OSBPL6: variants seen among roughly 807,000 people sequenced by gnomAD.
OSBPL6 encodes the protein oxysterol binding protein like 6, also known as oxysterol-binding protein-related protein 6.
Under a neutral mutation model 125.8 loss-of-function variants are expected in OSBPL6, and 49 were observed. The ratio of observed to expected loss-of-function variants is 0.39; its 90% CI spans 0.31 to 0.49. OSBPL6 has a LOEUF of 0.49. Ranked by LOEUF, OSBPL6 falls within the 20% of genes least tolerant of loss-of-function variation. OSBPL6 has a pLI of 0.88. For synonymous variants in OSBPL6, 394 were observed against 391.8 expected (o/e 1.01, Z -0.07); for missense variants, 986 against 1,135.4 (o/e 0.87, Z 1.89).
At chr2:178,239,046 A>G (rs10174910) in intron 1 of OSBPL6, among the ~76,000 whole-genome samples, 22,183 of 152,058 alleles carry the variant, frequency 0.15, 3,658 homozygotes, top group African/African-American at 0.41. Flanking sequence ...ATATTTCAAC[A>G]TTTTCAAAAT....
intron 1 of OSBPL6, among the ~76,000 whole-genome samples, chr2:178,284,310 T>C (rs1684492706): frequency 6.6e-6 from 1 of 152,188 alleles, no homozygotes; most frequent in Admixed American, 6.5e-5. Context: ...CCCAGCCCTT[T>C]GGGAGGCCGA....
chr2:178,231,904 T>C (rs2090839124), intron 1 of OSBPL6, among the ~76,000 whole-genome samples: 1 of 152,128 alleles, frequency 6.6e-6, no homozygotes, highest in African/African-American at 2.4e-5. Flanking sequence ...TCTAGCATCC[T>C]TTTTAATCTC....
intron 1 of OSBPL6, among the ~76,000 whole-genome samples, chr2:178,275,224 T>C (rs2092445668): frequency 6.6e-6 from 1 of 152,156 alleles, no homozygotes; most frequent in Non-Finnish European, 1.5e-5. Context: ...GGCAGAAAGA[T>C]AATGGTGCTG....
intron 16 of OSBPL6, 140 bp downstream of exon 16, chr2:178,382,647 T>G: frequency 1.3e-6 from 2 of 1,527,060 alleles, no homozygotes; most frequent in Non-Finnish European, 1.8e-6. Context: ...TTCAATACAT[T>G]CTATTTTGTA....
chr2:178,329,613 G>T (rs549727111), intron 5 of OSBPL6, among the ~76,000 whole-genome samples: 89 of 151,928 alleles, frequency 5.9e-4, no homozygotes, highest in African/African-American at 1.9e-3. Flanking sequence ...TTTTAGTAGA[G>T]ATTGGGTTTC....
At chr2:178,339,360 A>G (rs1413297318) in intron 10 of OSBPL6, among the ~76,000 whole-genome samples, 3 of 152,226 alleles carry the variant, frequency 2.0e-5, no homozygotes, top group African/African-American at 4.8e-5. Context: ...TTTGTGTCCT[A>G]TTAGAAATGG....
chr2:178,393,587 CTTGCTATTTGACATTCAAATTTA>C (rs1285765291), intron 23 of OSBPL6, among the ~76,000 whole-genome samples: 4 of 152,160 alleles, frequency 2.6e-5, no homozygotes, highest in Non-Finnish European at 5.9e-5. Context: ...AACATGTTGT[CTTGCTATTTGACATTCAAATTTA>C]TTAATAAACT....
At chr2:178,351,819 C>A (rs1232044466) in intron 12 of OSBPL6, among the ~76,000 whole-genome samples, 1 of 149,690 alleles carries the variant, frequency 6.7e-6, no homozygotes, top group Non-Finnish European at 1.5e-5. Flanking sequence ...AAGGAAACAA[C>A]AAACACTGGA....
intron 1 of OSBPL6, among the ~76,000 whole-genome samples, chr2:178,200,305 G>A (rs2089178414): frequency 7.1e-6 from 1 of 141,570 alleles, no homozygotes; most frequent in Non-Finnish European, 1.5e-5. Flanking sequence ...AGGCCCGAGT[G>A]CAGCGGTGCA....
chr2:178,373,595 T>C (rs887552260), intron 14 of OSBPL6, among the ~76,000 whole-genome samples: 7 of 152,218 alleles, frequency 4.6e-5, no homozygotes, highest in Non-Finnish European at 8.8e-5. Context: ...GAGAATGAAG[T>C]TGTCTCTACA....
chr2:178,330,239 C>G (rs1689083231), intron 5 of OSBPL6, among the ~76,000 whole-genome samples: 1 of 152,126 alleles, frequency 6.6e-6, no homozygotes, highest in African/African-American at 2.4e-5. Flanking sequence ...AAAAAACCGT[C>G]AAAGAAACAA....
chr2:178,204,963 A>G (rs1291928442), intron 1 of OSBPL6, among the ~76,000 whole-genome samples: 1 of 152,120 alleles, frequency 6.6e-6, no homozygotes, highest in East Asian at 1.9e-4. Flanking sequence ...ATAGGCCTAC[A>G]AGGTGTTGGT....
In OSBPL6 at chr2:178,194,650, C is replaced by T. The variant is rs1162801843; in HGVS notation, c.-375C>T. On this transcript the variant is annotated 5_prime_UTR_variant, in exon 1 of 25. Transcript: ENST00000190611. The stretch of plus-strand genomic sequence containing the variant: ...GCAGCCGCGCAGCCGCCGCAGAGTC[C>T]GCGGCGCCACCGCTCGCCCTCCAGG... 6.5e-6 allele frequency: 1 copy of T among 152,854 alleles called. No individual in the cohort carries two copies. The highest frequency in any genetic ancestry group is 1.9e-4 in the East Asian group (1 of 5,200). The allele number at this position is 152,854 out of a possible 1,614,324, so 9.5% of individuals were successfully genotyped here.
intron 15 of OSBPL6, among the ~76,000 whole-genome samples, chr2:178,375,486 A>G (rs10803916): frequency 0.76 from 115,117 of 152,052 alleles, 43,904 homozygotes; most frequent in East Asian, 1. Context: ...GCAGTGGCGC[A>G]ATCTTGGCTC....
At chr2:178,245,807 G>A (rs750900948) in intron 1 of OSBPL6, among the ~76,000 whole-genome samples, 1 of 152,194 alleles carries the variant, frequency 6.6e-6, no homozygotes, top group South Asian at 2.1e-4. Context: ...GTTCAAGGGT[G>A]TACAGCTGGG....
intron 1 of OSBPL6, among the ~76,000 whole-genome samples, chr2:178,266,639 G>A (rs990874813): frequency 1.3e-5 from 2 of 152,180 alleles, no homozygotes; most frequent in Admixed American, 6.5e-5. Flanking sequence ...ATGGAGCGAG[G>A]TTGAGACCTC....
intron 13 of OSBPL6, among the ~76,000 whole-genome samples, chr2:178,367,484 G>A (rs545485269): frequency 6.6e-6 from 1 of 152,114 alleles, no homozygotes; most frequent in African/African-American, 2.4e-5. Context: ...CAGCCATTAG[G>A]CTTCTATGTT....
At chr2:178,348,913 T>C (rs922475703) in intron 11 of OSBPL6, among the ~76,000 whole-genome samples, 2 of 152,210 alleles carry the variant, frequency 1.3e-5, no homozygotes, top group African/African-American at 4.8e-5. Context: ...CCAGTTATTT[T>C]TGAGGTGCAA....
intron 1 of OSBPL6, among the ~76,000 whole-genome samples, chr2:178,199,444 G>C (rs656429): frequency 0.021 from 3,180 of 152,236 alleles, 127 homozygotes; most frequent in African/African-American, 0.072. Context: ...TTTCTAGAAG[G>C]CCGACTGATT....
Sources: gnomAD v4.1 joint callset for allele counts (sites outside exome capture counted in the v4.1 genomes callset) on GRCh38, gnomAD v4.1.1 for gene constraint, MANE v1.5 for transcripts, NCBI Gene and HGNC (gene_info 2026-07-23, HGNC 2026-07-21) for gene names.